NF1: variants seen among roughly 807,000 people sequenced by gnomAD.
NF1 encodes neurofibromin 1.
NF1 carries 122 observed loss-of-function variants against 325.7 expected under a neutral mutation model. The ratio of observed to expected loss-of-function variants is 0.37; its 90% CI spans 0.32 to 0.44. The LOEUF is 0.44. Among genes scored for constraint, NF1 ranks in the 20% least tolerant of loss-of-function variants. The probability of loss-of-function intolerance (pLI) is 1.00; values close to 1 mark genes in which losing one functional copy is unlikely to be tolerated. For missense variants in NF1, 2,140 were observed against 3,415.4 expected (o/e 0.63, Z 9.31); for synonymous variants, 1,091 against 1,186.0 (o/e 0.92, Z 1.65).
At position 31,206,386 on chromosome 17, in the gene NF1, G is replaced by C. The variant is rs1367351928; in HGVS notation, c.1392+15G>C. On this transcript the variant is annotated intron_variant, in intron 12 of 57. Coordinates refer to ENST00000358273, the MANE Select transcript of NF1 (RefSeq NM_001042492.3). ...GAATGGCACCGGTAAGATAAATCAC[G>C]AATTTTGAATCTCACCTCCTTTCTA... The C allele has an allele frequency of 6.2e-7, 1 of 1,613,218 alleles. No homozygotes were observed. Among genetic ancestry groups the C allele is most frequent in the Admixed American group, 1.7e-5 (1 of 60,002 alleles).
intron 1 of NF1, among the ~76,000 whole-genome samples, chr17:31,127,223 C>A (rs1042500695): frequency 1.3e-5 from 2 of 152,200 alleles, no homozygotes; most frequent in South Asian, 2.1e-4. Context: ...TAAAGTATGG[C>A]AGGTCCCCAA....
chr17:31,305,651 AAG>A (rs2151510561), intron 36 of NF1: 1 of 1,568,000 alleles, frequency 6.4e-7, no homozygotes, highest in Non-Finnish European at 8.6e-7. Flanking sequence ...TTTATAATGA[AAG>A]AGAAAGACAG....
At chr17:31,306,309 A>T (rs1424520247) in intron 36 of NF1, among the ~76,000 whole-genome samples, 1 of 151,580 alleles carries the variant, frequency 6.6e-6, no homozygotes, top group Non-Finnish European at 1.5e-5. Flanking sequence ...TTATGCCACA[A>T]TTCCTAAACC....
chr17:31,169,185 G>C (rs192408137), intron 4 of NF1, among the ~76,000 whole-genome samples: 113 of 152,208 alleles, frequency 7.4e-4, no homozygotes, highest in Middle Eastern at 3.4e-3. Context: ...GTGCATACCT[G>C]TGTGATATTT....
chr17:31,299,892 G>A (rs1164509378), intron 36 of NF1, among the ~76,000 whole-genome samples: 1 of 151,794 alleles, frequency 6.6e-6, no homozygotes, highest in South Asian at 2.1e-4. Context: ...TTGACTCTTT[G>A]GGAAGATTTA....
intron 4 of NF1, among the ~76,000 whole-genome samples, chr17:31,168,751 G>A (rs982123827): frequency 1.3e-5 from 2 of 152,068 alleles, no homozygotes; most frequent in Non-Finnish European, 2.9e-5. Flanking sequence ...ATTGGATTTC[G>A]ATGTTATCAG....
chr17:31,326,363 G>GT, intron 37 of NF1, 111 bp downstream of exon 37: 1 of 1,111,824 alleles, frequency 9.0e-7, no homozygotes, highest in Non-Finnish European at 1.3e-6. Context: ...AAAATGTCAC[G>GT]TAAGGCTGTC....
chr17:31,134,217 GT>G lies in NF1; in HGVS notation c.61-21762del, dbSNP rs201202748. ...TTTAGAGTTATATTTAAGCTCATCA[GT>G]TTTGAATATTTCATTTGATTGTAAG... On this transcript the variant is annotated intron_variant, in intron 1 of 57. Transcript: ENST00000358273. 7.2e-5 allele frequency among the ~76,000 whole-genome samples: 11 copies of G among 152,216 alleles called. No individual in the cohort carries two copies. In the East Asian group the frequency reaches 1.9e-3, roughly 27 times the overall value.
At chr17:31,143,207 G>A (rs1389265248) in intron 1 of NF1, among the ~76,000 whole-genome samples, 1 of 151,730 alleles carries the variant, frequency 6.6e-6, no homozygotes. Flanking sequence ...TTTAGTATTT[G>A]TCCTAATAGC....
chr17:31,232,341 A>G, intron 25 of NF1, 152 bp downstream of exon 25: 1 of 646,602 alleles, frequency 1.5e-6, no homozygotes, highest in East Asian at 2.7e-5. Context: ...TGATCAGTGA[A>G]ATTTTGCTTA....
intron 48 of NF1, 112 bp downstream of exon 48, chr17:31,343,247 C>T (rs764632370): frequency 2.2e-5 from 24 of 1,090,990 alleles, no homozygotes; most frequent in Non-Finnish European, 3.2e-5. Flanking sequence ...TTATGTCTTA[C>T]TTTAAATGCA....
rs183578218 is a variant in NF1 at position 31,268,569 on chromosome 17, G to T, written c.4835+3230G>T. Among the ~76,000 whole-genome samples, 713 of 150,190 alleles carry T rather than the reference G, an allele frequency of 4.7e-3. 5 individuals carry two copies. Among genetic ancestry groups the T allele is most frequent in the South Asian group, 0.019 (89 of 4,756 alleles). On this transcript the variant is annotated intron_variant, in intron 36 of 57. Coordinates refer to ENST00000358273, the MANE Select transcript of NF1 (RefSeq NM_001042492.3). ...TTGAACCCGGGAGGTGGAGGTTGCA[G>T]TGAACCAAGATTGCACCACTGCACT...
chr17:31,273,420 G>A (rs575253425), intron 36 of NF1, among the ~76,000 whole-genome samples: 1 of 152,244 alleles, frequency 6.6e-6, no homozygotes, highest in South Asian at 2.1e-4. Context: ...CAGACAAGGG[G>A]CATAACTTAC....
At position 31,201,502 on chromosome 17, in the gene NF1, T is replaced by C. The variant is rs2143887415; in HGVS notation, c.1260+17T>C. The C allele has an allele frequency of 1.3e-6, 2 of 1,588,656 alleles. No individual in the cohort carries two copies. The highest frequency in any genetic ancestry group is 2.3e-5 in the South Asian group (2 of 88,408). ...ATCACCAATGTAAGTCCAAAAGGTA[T>C]TGCTAAATTACTAAAAAAATTTTTT... is the stretch of plus-strand genomic sequence containing the variant. On this transcript the variant is annotated intron_variant, in intron 11 of 57. Transcript: ENST00000358273.
intron 1 of NF1, among the ~76,000 whole-genome samples, chr17:31,143,715 C>T (rs1460106877): frequency 1.3e-5 from 2 of 152,144 alleles, no homozygotes; most frequent in Non-Finnish European, 2.9e-5. Flanking sequence ...AATATCTTTT[C>T]TGTGATTGCA....
At chr17:31,156,549 T>C (rs542921537) in intron 2 of NF1, among the ~76,000 whole-genome samples, 1 of 152,328 alleles carries the variant, frequency 6.6e-6, no homozygotes, top group South Asian at 2.1e-4. Flanking sequence ...AAGTAGATGA[T>C]AAAATATGAT....
At chr17:31,259,298 T>G (rs1472624041) in intron 33 of NF1, among the ~76,000 whole-genome samples, 169 bp downstream of exon 33, 3 of 152,186 alleles carry the variant, frequency 2.0e-5, no homozygotes, top group Non-Finnish European at 4.4e-5. Flanking sequence ...AAGACAGTCA[T>G]GAAATAAATT....
intron 36 of NF1, among the ~76,000 whole-genome samples, chr17:31,273,006 T>C (rs1404662714): frequency 6.6e-6 from 1 of 152,132 alleles, no homozygotes; most frequent in East Asian, 1.9e-4. Context: ...AAGAGCTTAA[T>C]TGGCATTTTT....
intron 36 of NF1, among the ~76,000 whole-genome samples, chr17:31,275,829 C>CT (rs1011579673): frequency 2.0e-5 from 3 of 152,114 alleles, no homozygotes; most frequent in Non-Finnish European, 4.4e-5. Flanking sequence ...CATATTCTGG[C>CT]TTTTTTTGTG....
Sources: gnomAD v4.1 joint callset for allele counts (sites outside exome capture counted in the v4.1 genomes callset) on GRCh38, gnomAD v4.1.1 for gene constraint, MANE v1.5 for transcripts, NCBI Gene and HGNC (gene_info 2026-07-23, HGNC 2026-07-21) for gene names.